HDAC8: variants seen among roughly 807,000 people sequenced by gnomAD.
HDAC8 encodes histone deacetylase-like 1.
A neutral mutation model predicts 32.2 loss-of-function variants in HDAC8; 1 was observed. The observed-to-expected ratio is 0.03, with a 90% confidence interval of 0.01 to 0.15. HDAC8 has a LOEUF of 0.15. Among genes scored for constraint, HDAC8 ranks in the 10% least tolerant of loss-of-function variants. The pLI is 1.00. For missense variants in HDAC8, 117 were observed against 300.0 expected (o/e 0.39, Z 4.51); for synonymous variants, 108 against 113.9 (o/e 0.95, Z 0.33).
At chrX:72,450,872 T>A (rs930709468) in intron 9 of HDAC8, among the ~76,000 whole-genome samples, 1 of 111,528 alleles carries the variant, frequency 9.0e-6, no homozygotes, top group Non-Finnish European at 1.9e-5. Context: ...TTTTTCCAAA[T>A]CACAGGTTGA....
In HDAC8 at chrX:72,572,679, C is replaced by G. The variant is rs2052146166; in HGVS notation, c.83G>C (p.Cys28Ser). The change falls in exon 1 of 11, where the codon TGT becomes TCT. Residue 28 changes from cysteine to serine, a missense_variant. Physicochemically the swap from Cys to Ser is moderately radical, Grantham distance 112. Around this residue, in one of 4 missense-constraint regions of HDAC8, gnomAD observed 37 missense variants for 53.1 expected, o/e 0.70. Transcript: ENST00000373573. ...TTTGGGGATCTTGGCCAGGGAGTCA[C>G]ACATACTGACATACTCGGGACTATA... ...YIYSPEYVSM[C>S]DSLAKIPKRA... 1.7e-6 allele frequency: 2 copies of G among 1,186,958 alleles called. No homozygotes were observed. Among genetic ancestry groups the G allele is most frequent in the Non-Finnish European group, 2.3e-6 (2 of 881,447 alleles).
intron 10 of HDAC8, among the ~76,000 whole-genome samples, chrX:72,335,633 G>T (rs1348924326): frequency 8.9e-6 from 1 of 111,854 alleles, no homozygotes; most frequent in African/African-American, 3.2e-5. Flanking sequence ...GTGCAGGGCT[G>T]GGCACAGTGG....
intron 9 of HDAC8, among the ~76,000 whole-genome samples, chrX:72,409,210 C>T (rs1213712901): frequency 2.7e-5 from 3 of 112,320 alleles, no homozygotes; most frequent in Non-Finnish European, 3.8e-5. Flanking sequence ...TTCTCTTGCT[C>T]CATCATGTCT....
At chrX:72,554,519 C>CGGGGAGCGT (rs2051211529) in intron 4 of HDAC8, among the ~76,000 whole-genome samples, 2 of 50,818 alleles carry the variant, frequency 3.9e-5, no homozygotes, top group African/African-American at 7.2e-5. Flanking sequence ...GCGGGGAGGG[C>CGGGGAGCGT]GGGGAGCGCG....
At chrX:72,405,985 T>C (rs1473668571) in intron 9 of HDAC8, among the ~76,000 whole-genome samples, 1 of 112,271 alleles carries the variant, frequency 8.9e-6, no homozygotes, top group Non-Finnish European at 1.9e-5. Flanking sequence ...AGCATAACTG[T>C]TTTATATTCC....
chrX:72,467,550 A>C (rs1555995477), intron 7 of HDAC8: 1 of 118,025 alleles, frequency 8.5e-6, no homozygotes, highest in Non-Finnish European at 1.7e-5. Flanking sequence ...TGACAGCGGG[A>C]GTGGTGGGAT....
At chrX:72,437,183 G>A (rs1039105408) in intron 9 of HDAC8, among the ~76,000 whole-genome samples, 10 of 111,587 alleles carry the variant, frequency 9.0e-5, no homozygotes, top group Non-Finnish European at 1.3e-4. Context: ...TGCAGCCCAC[G>A]GAGGGTGAGC....
chrX:72,560,545 A>C (rs1402021831), intron 4 of HDAC8, among the ~76,000 whole-genome samples: 1 of 94,403 alleles, frequency 1.1e-5, no homozygotes, highest in Non-Finnish European at 2.1e-5. Flanking sequence ...GAGAAACACC[A>C]AAGAATGATC....
chrX:72,369,932 AG>A (rs1264400625), intron 9 of HDAC8, among the ~76,000 whole-genome samples: 1 of 112,540 alleles, frequency 8.9e-6, no homozygotes, highest in Non-Finnish European at 1.9e-5. Flanking sequence ...GGTGGGGATT[AG>A]GGGTGGTTGG....
chrX:72,513,673 C>T (rs2049672242), intron 4 of HDAC8, among the ~76,000 whole-genome samples: 1 of 110,466 alleles, frequency 9.1e-6, no homozygotes, highest in Admixed American at 9.6e-5. Context: ...TGTAAAATGC[C>T]TAGAGAATGA....
intron 10 of HDAC8, among the ~76,000 whole-genome samples, chrX:72,349,193 A>G (rs2044109434): frequency 8.9e-6 from 1 of 112,507 alleles, no homozygotes; most frequent in Admixed American, 9.4e-5. Context: ...AGATATATGA[A>G]GTAGAGACCA....
At chrX:72,537,090 A>C in intron 4 of HDAC8, among the ~76,000 whole-genome samples, 1 of 112,290 alleles carries the variant, frequency 8.9e-6, no homozygotes, top group Middle Eastern at 4.2e-3. Context: ...GTAGCATTAG[A>C]GTAAATGAAA....
intron 9 of HDAC8, among the ~76,000 whole-genome samples, chrX:72,452,336 A>T (rs1555987825): frequency 1.8e-5 from 2 of 111,928 alleles, no homozygotes; most frequent in Non-Finnish European, 3.8e-5. Flanking sequence ...CATGTCTGTA[A>T]TCCCAGCTAC....
intron 10 of HDAC8, among the ~76,000 whole-genome samples, chrX:72,347,692 A>G (rs1403717527): frequency 2.7e-5 from 3 of 111,829 alleles, no homozygotes; most frequent in Non-Finnish European, 5.6e-5. Flanking sequence ...CATTATTCCA[A>G]CTCTGGAAGG....
chrX:72,443,956 A>G (rs11094260), intron 9 of HDAC8, among the ~76,000 whole-genome samples: 23,945 of 104,930 alleles, frequency 0.23, 6,244 homozygotes, highest in East Asian at 0.71. Context: ...TAAATTCCTC[A>G]ACACATACAC....
At chrX:72,524,450 G>C (rs1461682023) in intron 4 of HDAC8, among the ~76,000 whole-genome samples, 2 of 111,729 alleles carry the variant, frequency 1.8e-5, no homozygotes, top group Non-Finnish European at 3.8e-5. Context: ...TTCCCATTAA[G>C]CCCAGATGAG....
At chrX:72,357,745 C>T (rs2044413415) in intron 9 of HDAC8, among the ~76,000 whole-genome samples, 1 of 110,906 alleles carries the variant, frequency 9.0e-6, no homozygotes, top group African/African-American at 3.3e-5. Flanking sequence ...GCAGATAGTA[C>T]CGAGCCTGAT....
At chrX:72,458,221 A>T (rs782760505) in intron 9 of HDAC8, among the ~76,000 whole-genome samples, 2 of 112,741 alleles carry the variant, frequency 1.8e-5, no homozygotes, top group African/African-American at 3.2e-5. Flanking sequence ...CAGCTTTCCC[A>T]GCTGGGACTG....
chrX:72,436,611 G>GA (rs200167442), intron 9 of HDAC8, among the ~76,000 whole-genome samples: 1,118 of 107,435 alleles, frequency 0.01, 21 homozygotes, highest in African/African-American at 0.036. Context: ...AATGATAAAA[G>GA]AAAAAAAAGA....
Sources: allele counts gnomAD v4.1 joint callset (sites outside exome capture counted in the v4.1 genomes callset), GRCh38; gene constraint gnomAD v4.1.1; regional missense constraint gnomAD v4.1.1; transcripts MANE v1.5; gene names NCBI Gene and HGNC (gene_info 2026-07-23, HGNC 2026-07-21).